The following SLIT3 variants were observed in gnomAD, a reference collection of about 807,000 sequenced individuals.
The protein encoded by SLIT3 is slit homolog 3 protein.
A neutral mutation model predicts 184.0 loss-of-function variants in SLIT3; 68 were observed. The observed-to-expected ratio is 0.37, with a 90% CI of 0.30 to 0.45. SLIT3 has a LOEUF of 0.45. Among genes scored for constraint, SLIT3 ranks in the 20% least tolerant of loss-of-function variants. SLIT3 has a pLI of 1.00. For synonymous variants in SLIT3, 831 were observed against 828.6 expected (o/e 1.00, Z -0.05); for missense variants, 1,707 against 2,026.0 (o/e 0.84, Z 3.02).
At chr5:168,825,450 TCTCCCTCC>T (rs995694864) in intron 6 of SLIT3, among the ~76,000 whole-genome samples, 1 of 152,116 alleles carries the variant, frequency 6.6e-6, no homozygotes, top group African/African-American at 2.4e-5. Flanking sequence ...AATTCTTCTT[TCTCCCTCC>T]CTCCCTCCCA....
intron 6 of SLIT3, among the ~76,000 whole-genome samples, chr5:168,832,770 A>G (rs1757922582): frequency 6.6e-6 from 1 of 152,134 alleles, no homozygotes. Flanking sequence ...GACGTCTAGA[A>G]TTTTCATATG....
chr5:168,813,182 A>C (rs1371328831), intron 8 of SLIT3, among the ~76,000 whole-genome samples: 1 of 152,228 alleles, frequency 6.6e-6, no homozygotes, highest in Non-Finnish European at 1.5e-5. Flanking sequence ...CTGATTTAGG[A>C]GGTCAACTAA....
chr5:169,118,264 T>C (rs1760762525), intron 4 of SLIT3, among the ~76,000 whole-genome samples: 1 of 152,186 alleles, frequency 6.6e-6, no homozygotes, highest in Admixed American at 6.5e-5. Flanking sequence ...CAATAATTTG[T>C]ATTAGGATTT....
rs777845188 is a variant in SLIT3 at position 168,696,280 on chromosome 5, T to C, written c.3082+12A>G. 8 of 1,597,352 alleles carry C rather than the reference T, an allele frequency of 5.0e-6. No individual in the cohort carries two copies. Among genetic ancestry groups the C allele is most frequent in the Non-Finnish European group, 6.0e-6 (7 of 1,165,236 alleles). On this transcript the variant is annotated intron_variant, in intron 28 of 35. Transcript: ENST00000519560. ...CTCCACCCCACCATACATACAGTCA[T>C]GAGATCCTTACCTGTGTAGTTAGGC...
intron 4 of SLIT3, among the ~76,000 whole-genome samples, chr5:168,997,105 T>C (rs1029551425): frequency 3.3e-5 from 5 of 152,170 alleles, no homozygotes; most frequent in Non-Finnish European, 7.3e-5. Context: ...CTCAGTTTTA[T>C]GCCTGGTGCA....
chr5:168,896,216 G>T (rs928768909), intron 4 of SLIT3, among the ~76,000 whole-genome samples: 1 of 152,160 alleles, frequency 6.6e-6, no homozygotes, highest in Non-Finnish European at 1.5e-5. Flanking sequence ...CGGCTCAGGA[G>T]CCTAAAAGAC....
chr5:169,094,855 C>A (rs186487144), intron 4 of SLIT3, among the ~76,000 whole-genome samples: 25 of 152,324 alleles, frequency 1.6e-4, no homozygotes, highest in Admixed American at 7.2e-4. Context: ...GCATTTGCAT[C>A]ACAACAGAAG....
In SLIT3 at chr5:168,876,623, A is replaced by G. The variant is rs112206475; in HGVS notation, c.485+6642T>C. On this transcript the variant is annotated intron_variant, in intron 5 of 35. Coordinates refer to ENST00000519560, the MANE Select transcript of SLIT3 (RefSeq NM_003062.4). ...TAGATGAACTCCTATGCATCCTTCA[A>G]GACCCAACTCATGTCATTTCCTGAG... Among the ~76,000 whole-genome samples the G allele has an allele frequency of 1.1e-4, 17 of 152,326 alleles. 2 individuals are homozygous for G. Among genetic ancestry groups the G allele is most frequent in the African/African-American group, 4.1e-4 (17 of 41,568 alleles).
chr5:168,985,518 C>T (rs1755092360), intron 4 of SLIT3, among the ~76,000 whole-genome samples: 1 of 152,218 alleles, frequency 6.6e-6, no homozygotes, highest in Admixed American at 6.5e-5. Context: ...CTTCCCAGCA[C>T]TTCTTTCCCT....
At chr5:169,099,348 G>A (rs1039251719) in intron 4 of SLIT3, among the ~76,000 whole-genome samples, 1 of 152,088 alleles carries the variant, frequency 6.6e-6, no homozygotes, top group Admixed American at 6.6e-5. Context: ...CCTCATGCTT[G>A]TGTGACTTGT....
At chr5:168,718,741 C>CACAT (rs1561891920) in intron 23 of SLIT3, among the ~76,000 whole-genome samples, 2 of 151,052 alleles carry the variant, frequency 1.3e-5, no homozygotes, top group African/African-American at 4.9e-5. Context: ...TTCTCTCTCT[C>CACAT]TCTCTCTTTC....
intron 7 of SLIT3, among the ~76,000 whole-genome samples, chr5:168,819,897 T>C (rs1356779023): frequency 6.6e-6 from 1 of 152,048 alleles, no homozygotes; most frequent in Non-Finnish European, 1.5e-5. Flanking sequence ...CCAGACTGAT[T>C]TGGAGCCATC....
At chr5:168,889,442 G>C (rs995126180) in intron 4 of SLIT3, among the ~76,000 whole-genome samples, 2 of 152,100 alleles carry the variant, frequency 1.3e-5, no homozygotes, top group African/African-American at 2.4e-5. Context: ...AGTATCAATG[G>C]GGGACAAAAA....
intron 2 of SLIT3, among the ~76,000 whole-genome samples, chr5:169,248,016 G>A (rs2113587386): frequency 6.6e-6 from 1 of 152,270 alleles, no homozygotes; most frequent in Admixed American, 6.5e-5. Context: ...TGGAGGAAGA[G>A]TGTGGTTGGG....
At chr5:168,769,928 C>T (rs1329804929) in intron 14 of SLIT3, among the ~76,000 whole-genome samples, 1 of 152,186 alleles carries the variant, frequency 6.6e-6, no homozygotes, top group East Asian at 1.9e-4. Context: ...AACTGGATGA[C>T]CTCTAAGGTT....
At chr5:169,235,782 G>C (rs999004324) in intron 3 of SLIT3, among the ~76,000 whole-genome samples, 2 of 152,186 alleles carry the variant, frequency 1.3e-5, no homozygotes, top group Admixed American at 1.3e-4. Flanking sequence ...TTTCACTTAA[G>C]ACTGAGATGA....
At chr5:169,039,315 G>T (rs1017905949) in intron 4 of SLIT3, among the ~76,000 whole-genome samples, 10 of 134,640 alleles carry the variant, frequency 7.4e-5, no homozygotes, top group Non-Finnish European at 1.2e-4. Flanking sequence ...GTTTTTTTTT[G>T]TGTTTTTTTT....
At chr5:169,031,796 T>TC (rs1286910165) in intron 4 of SLIT3, among the ~76,000 whole-genome samples, 2 of 152,164 alleles carry the variant, frequency 1.3e-5, no homozygotes, top group Non-Finnish European at 2.9e-5. Flanking sequence ...CATGATGACT[T>TC]CGGCTATTGT....
chr5:169,195,528 CTTGTT>C (rs1211404358), intron 3 of SLIT3, among the ~76,000 whole-genome samples: 2 of 152,206 alleles, frequency 1.3e-5, no homozygotes, highest in South Asian at 2.1e-4. Flanking sequence ...GGGGCTGACT[CTTGTT>C]TTGTTTTGTT....
Sources: gnomAD v4.1 joint callset for allele counts (sites outside exome capture counted in the v4.1 genomes callset) on GRCh38, gnomAD v4.1.1 for gene constraint, MANE v1.5 for transcripts, NCBI Gene and HGNC (gene_info 2026-07-23, HGNC 2026-07-21) for gene names.